CALCOCO1: variants seen among roughly 807,000 people sequenced by gnomAD.
The protein encoded by CALCOCO1 is calcium-binding and coiled-coil domain-containing protein 1.
CALCOCO1 carries 44 observed loss-of-function variants against 86.3 expected under a neutral mutation model. The observed-to-expected ratio is 0.51, with a 90% CI of 0.40 to 0.66. CALCOCO1 has a LOEUF of 0.66. Among genes scored for constraint, CALCOCO1 ranks in the 30% least tolerant of loss-of-function variants. The probability of loss-of-function intolerance (pLI) is 0.00; values close to 1 mark genes in which losing one functional copy is unlikely to be tolerated. For missense variants in CALCOCO1, 708 were observed against 851.1 expected, an observed-to-expected ratio of 0.83 and a Z score of 2.09; for synonymous variants, 297 against 327.6, an observed-to-expected ratio of 0.91 and a Z score of 1.01.
chr12:53,713,150 C>T lies in CALCOCO1; in HGVS notation c.1848G>A (p.Glu616=), dbSNP rs776350339. The part of the protein sequence containing the change: ...LMAAVQSGGE[E]ANLLLPELGS... ...CCAGTTCAGGAAGCAGTAAGTTGGC[C>T]TCCTCACCCCCACTCTGCACAGCTG... Residue 616 remains glutamate (E), a synonymous_variant, in exon 14 of 15, where the codon GAG becomes GAA. Transcript: ENST00000550804. 5 of 1,614,034 alleles carry T rather than the reference C, an allele frequency of 3.1e-6. No individual in the cohort carries two copies. The Admixed American group carries it at 5.0e-5, about 16-fold the overall frequency.
chr12:53,725,964 C>G (rs1946017289), intron 1 of CALCOCO1, among the ~76,000 whole-genome samples: 1 of 152,034 alleles, frequency 6.6e-6, no homozygotes, highest in Non-Finnish European at 1.5e-5. Flanking sequence ...AGGTTCTGTC[C>G]CTTGACTTAT....
chr12:53,714,198 T>A lies in CALCOCO1; in HGVS notation c.1526A>T (p.Lys509Met), dbSNP rs1203247931. The change falls in exon 12 of 15, where the codon AAG becomes ATG. Residue 509 changes from lysine (K) to methionine (M), a missense_variant. Lys to Met is a moderately conservative substitution (Grantham distance 95, BLOSUM62 -1). Coordinates refer to ENST00000550804, the MANE Select transcript of CALCOCO1 (RefSeq NM_020898.3). ...YMRKLEARLEKVADEKWNEDA... is the reference protein window; with the variant it reads ...YMRKLEARLEMVADEKWNEDA... ...CTCATTCCACTTCTCATCTGCCACC[T>A]TCTCCAGGCGGGCCTCTAGCTTTCT... 1.2e-6 allele frequency: 2 copies of A among 1,613,792 alleles called. No homozygotes were observed. The highest frequency in any genetic ancestry group is 3.4e-4 in the Middle Eastern group (2 of 5,910).
intron 7 of CALCOCO1, among the ~76,000 whole-genome samples, chr12:53,719,093 C>T (rs187937033): frequency 0.021 from 3,250 of 151,690 alleles, 116 homozygotes; most frequent in African/African-American, 0.074. Flanking sequence ...GATCCGCCTG[C>T]CTCTGCCTCC....
chr12:53,726,047 G>T (rs961028495), intron 1 of CALCOCO1, among the ~76,000 whole-genome samples: 1 of 152,132 alleles, frequency 6.6e-6, no homozygotes, highest in Non-Finnish European at 1.5e-5. Flanking sequence ...GGAACGTGGT[G>T]GGGGTGGGGA....
intron 3 of CALCOCO1, 31 bp from the exon 4 acceptor site, chr12:53,723,814 A>C (rs370949235): frequency 6.3e-7 from 1 of 1,596,978 alleles, no homozygotes; most frequent in Non-Finnish European, 8.6e-7. Flanking sequence ...CCAGGACCCC[A>C]ATAATCCACT....
rs1231163823 is a variant in CALCOCO1 at position 53,711,891 on chromosome 12, TGTGA to T, written c.*49_*52del. 1.5e-5 allele frequency: 22 copies of T among 1,442,230 alleles called. No homozygotes were observed. Among genetic ancestry groups the T allele is most frequent in the Middle Eastern group, 1.8e-4 (1 of 5,444 alleles). 89.3% of individuals were successfully genotyped at this position (1,442,230 alleles called of 1,614,324 possible). A position where few individuals can be genotyped will look rare whatever the true frequency, so the allele number is the denominator to read the frequency against. ...CATGAAACCTAAGTGTATGCATGTG[TGTGA>T]GTGTGTGTGTGCATGAGTGTGTATT... On this transcript the variant is annotated 3_prime_UTR_variant, in exon 15 of 15. Coordinates refer to ENST00000550804, the MANE Select transcript of CALCOCO1 (RefSeq NM_020898.3).
intron 4 of CALCOCO1, 80 bp from the exon 5 acceptor site, chr12:53,722,263 C>T: frequency 6.5e-7 from 1 of 1,549,942 alleles, no homozygotes. Flanking sequence ...TCTCCAGGTG[C>T]ATTTTGGGTT....
chr12:53,713,766 T>G lies in CALCOCO1; in HGVS notation c.1726A>C (p.Ile576Leu), dbSNP rs1945645978. Reference sequence around the variant, plus strand: ...GGAGAAATGGGAGCCGGCTGGCTGATGACAACAAGGGGAGAAGCCTCTCGA... The same window carrying G: ...GGAGAAATGGGAGCCGGCTGGCTGAGGACAACAAGGGGAGAAGCCTCTCGA... Reference protein sequence around the residue: ...GPREASPLVVISQPAPISPHL... With the variant: ...GPREASPLVVLSQPAPISPHL... The change falls in exon 13 of 15, where the codon ATC becomes CTC. Residue 576 changes from isoleucine to leucine, a missense_variant. Transcript: ENST00000550804. The G allele has an allele frequency of 6.2e-7, 1 of 1,606,654 alleles. No homozygotes were observed. The highest frequency in any genetic ancestry group is 1.3e-5 in the African/African-American group (1 of 74,610).
chr12:53,721,598 A>G lies in CALCOCO1; in HGVS notation c.627T>C (p.His209=), dbSNP rs1247072770. Residue 209 remains histidine (H), a synonymous_variant, in exon 6 of 15, where the codon CAT becomes CAC. Coordinates refer to ENST00000550804, the MANE Select transcript of CALCOCO1 (RefSeq NM_020898.3). ...TGTCCCTCTCTTCTGTGATCTCCCC[A>G]TGGGACCGGGAAATCCCCTGAAATT... ...MEQYKGISRS[H]GEITEERDIL... 3 of 1,613,826 alleles carry G rather than the reference A, an allele frequency of 1.9e-6. No homozygotes were observed. Among genetic ancestry groups the G allele is most frequent in the South Asian group, 2.2e-5 (2 of 91,056 alleles).
chr12:53,720,383 C>T (rs1945836086), intron 6 of CALCOCO1, among the ~76,000 whole-genome samples: 1 of 152,234 alleles, frequency 6.6e-6, no homozygotes. Context: ...ACAAAATATT[C>T]TTCTTTTAAT....
rs201872065 is a variant in CALCOCO1 at position 53,714,169 on chromosome 12, C to T, written c.1555G>A (p.Ala519Thr). Residue 519 changes from alanine to threonine, a missense_variant, in exon 12 of 15, where the codon GCC (alanine) becomes ACC (threonine). Physicochemically the swap from Ala to Thr is moderately conservative, Grantham distance 58 (BLOSUM62 0). Transcript: ENST00000550804. Reference sequence around the variant, plus strand: ...GCGGCCTCCTCATCCTCTGTGGTGGCATCCTCATTCCACTTCTCATCTGCC... The same window carrying T: ...GCGGCCTCCTCATCCTCTGTGGTGGTATCCTCATTCCACTTCTCATCTGCC... ...KVADEKWNED[A>T]TTEDEEAAVG... 1.1e-4 allele frequency: 181 copies of T among 1,613,410 alleles called. No individual in the cohort carries two copies. The highest frequency in any genetic ancestry group is 1.4e-4 in the Non-Finnish European group (162 of 1,179,950).
In CALCOCO1 at chr12:53,716,367, G is replaced by T. The variant is rs762296555; in HGVS notation, c.898C>A (p.Leu300Met). The T allele has an allele frequency of 6.2e-7, 1 of 1,614,178 alleles. No individual in the cohort carries two copies. ...QQENHHLNLDLKEAKSWQEEQ... is the reference protein window; with the variant it reads ...QQENHHLNLDMKEAKSWQEEQ... Reference sequence around the variant, plus strand: ...TCTTGCCAGCTCTTCGCCTCCTTCAGGTCCAAATTTAAGTGATGGTTCTCC... The same window carrying T: ...TCTTGCCAGCTCTTCGCCTCCTTCATGTCCAAATTTAAGTGATGGTTCTCC... Residue 300 changes from leucine to methionine, a missense_variant, in exon 8 of 15, where the codon CTG becomes ATG. Coordinates refer to ENST00000550804, the MANE Select transcript of CALCOCO1 (RefSeq NM_020898.3).
chr12:53,716,284 G>C lies in CALCOCO1; in HGVS notation c.981C>G (p.Thr327=). 6.2e-7 allele frequency: 1 copy of C among 1,614,108 alleles called. No individual in the cohort carries two copies. The highest frequency in any genetic ancestry group is 8.5e-7 in the Non-Finnish European group (1 of 1,180,002). Residue 327 remains threonine (T), a synonymous_variant, in exon 8 of 15, where the codon ACC becomes ACG. Transcript: ENST00000550804. The stretch of plus-strand genomic sequence containing the variant: ...CCACCCGCTGCTGGGCCTGGCCTAG[G>C]GTGTCCTTCATCTGGGCCACCTTGT... ...LKDKVAQMKD[T]LGQAQQRVAE...
At chr12:53,724,178 G>A in intron 3 of CALCOCO1, 1 of 447,760 alleles carries the variant, frequency 2.2e-6, no homozygotes, top group East Asian at 7.2e-5. Flanking sequence ...CTACAGGCAT[G>A]CACCACCACG....
At position 53,713,714 on chromosome 12, in the gene CALCOCO1, C is replaced by T. The variant is rs748601288; in HGVS notation, c.1778G>A (p.Ser593Asn). Residue 593 changes from serine to asparagine, a missense_variant, in exon 13 of 15, where the codon AGT (serine) becomes AAT (asparagine). By Grantham distance (46) the Ser-to-Asn change is conservative (BLOSUM62 1). Coordinates refer to ENST00000550804, the MANE Select transcript of CALCOCO1 (RefSeq NM_020898.3). ...SPHLSGPAED[S>N]SSDSEAEDEK... ...TCCACTGCTCACCGAGTCAGAGCTA[C>T]TGTCCTCAGCTGGCCCAGAGAGGTG... is the stretch of plus-strand genomic sequence containing the variant. The T allele has an allele frequency of 6.4e-7, 1 of 1,561,412 alleles. No individual in the cohort carries two copies. Among genetic ancestry groups the T allele is most frequent in the Admixed American group, 2.0e-5 (1 of 50,316 alleles).
chr12:53,716,106 G>C, intron 8 of CALCOCO1, 59 bp from the exon 9 acceptor site: 1 of 1,601,640 alleles, frequency 6.2e-7, no homozygotes, highest in East Asian at 2.2e-5. Context: ...ATCAGCCAGG[G>C]AGGTAAACGC....
rs1945759142 is a variant in CALCOCO1, at chr12:53,717,581, T to C, written c.850-1166A>G. ...TAGCCTCACACTCATCTCTGTCTAC[T>C]CATATTCTACCTATTCTCACTGCTG... On this transcript the variant is annotated intron_variant, in intron 7 of 14. Transcript: ENST00000550804. 2.0e-5 allele frequency among the ~76,000 whole-genome samples: 3 copies of C among 152,214 alleles called. No homozygotes were observed. The South Asian group carries it at 6.2e-4, about 31-fold the overall frequency.
chr12:53,715,737 C>A, intron 9 of CALCOCO1, 56 bp downstream of exon 9: 1 of 1,592,072 alleles, frequency 6.3e-7, no homozygotes, highest in Non-Finnish European at 8.5e-7. Flanking sequence ...TGTAGGAGTC[C>A]CCACAGAGGT....
intron 1 of CALCOCO1, 83 bp from the exon 2 acceptor site, chr12:53,725,349 C>T: frequency 1.1e-6 from 1 of 874,022 alleles, no homozygotes; most frequent in Non-Finnish European, 1.7e-6. Context: ...CACTCACAGC[C>T]CCTGCCACTA....
Sources: gnomAD v4.1 joint callset for allele counts (sites outside exome capture counted in the v4.1 genomes callset) on GRCh38, gnomAD v4.1.1 for gene constraint, MANE v1.5 for transcripts, NCBI Gene and HGNC (gene_info 2026-07-23, HGNC 2026-07-21) for gene names.